SLC4A2: variants seen among roughly 807,000 people sequenced by gnomAD.
SLC4A2 encodes anion exchange protein 2.
Under a neutral mutation model 115.0 loss-of-function variants are expected in SLC4A2, and 36 were observed. The observed-to-expected ratio is 0.31, with a 90% CI of 0.24 to 0.41. The LOEUF (loss-of-function observed/expected upper bound fraction) is 0.41. SLC4A2 is among the 10% of genes least tolerant of loss of function. The probability of loss-of-function intolerance (pLI) is 1.00; values close to 1 mark genes in which losing one functional copy is unlikely to be tolerated. For missense variants in SLC4A2, 1,252 were observed against 1,705.6 expected, an observed-to-expected ratio of 0.73 and a Z score of 4.68; for synonymous variants, 708 against 708.3, an observed-to-expected ratio of 1.00 and a Z score of 0.01.
In SLC4A2 at chr7:151,070,769, G is replaced by A. The variant is rs752153975; in HGVS notation, c.1607G>A (p.Arg536Gln). The A allele has an allele frequency of 1.9e-6, 3 of 1,613,940 alleles. No homozygotes were observed. Among genetic ancestry groups the A allele is most frequent in the East Asian group, 2.2e-5 (1 of 44,882 alleles). ...FLSRPTMAFV[R>Q]LREAVELDAV... ...TCCCGCCCCACCATGGCCTTTGTGC[G>A]GCTCCGGGAGGCTGTGGAGTTGGAC... The change falls in exon 12 of 23, where the codon CGG (arginine) becomes CAG (glutamine). Residue 536 changes from arginine to glutamine, a missense_variant. By Grantham distance (43) the Arg-to-Gln change is conservative. Coordinates refer to ENST00000413384, the MANE Select transcript of SLC4A2 (RefSeq NM_003040.4).
In SLC4A2 at chr7:151,060,525, T is replaced by A. The variant is rs1584979100; in HGVS notation, c.-64+763T>A. On this transcript the variant is annotated intron_variant, in intron 1 of 22. Transcript: ENST00000413384. This position sits in a 1 kb window ranked among gnomAD's most constrained non-coding sequence, Gnocchi z 5.9. ...GGCCGGTCGGGGCTGGTCCCGGGAA[T>A]GTGCCCCTACCCGGATTATCGGCAC... Among the ~76,000 whole-genome samples, 1 of 152,144 alleles carries A rather than the reference T, an allele frequency of 6.6e-6. No homozygotes were observed. Among genetic ancestry groups the A allele is most frequent in the African/African-American group, 2.4e-5 (1 of 41,410 alleles).
intron 5 of SLC4A2, among the ~76,000 whole-genome samples, chr7:151,065,672 G>A (rs1797203399): frequency 1.3e-5 from 2 of 152,244 alleles, no homozygotes; most frequent in Admixed American, 6.5e-5. Flanking sequence ...CGCATAACCT[G>A]CTGGGACCGT....
chr7:151,063,039 G>T, intron 2 of SLC4A2: 5 of 1,476,106 alleles, frequency 3.4e-6, no homozygotes, highest in Non-Finnish European at 3.6e-6. Context: ...ATTTGGCGGC[G>T]CCTGGAGCTG....
In SLC4A2 at chr7:151,067,591, C is replaced by T. The variant is rs988840367; in HGVS notation, c.967-283C>T. 7.2e-5 allele frequency among the ~76,000 whole-genome samples: 11 copies of T among 152,374 alleles called. 1 individual carries two copies. The highest frequency in any genetic ancestry group is 7.2e-4 in the Admixed American group (11 of 15,306). On this transcript the variant is annotated intron_variant, in intron 7 of 22. Coordinates refer to ENST00000413384, the MANE Select transcript of SLC4A2 (RefSeq NM_003040.4). ...ACAGTGGCCATTTCTCAAGTGCTCACTCTGAGGCACGTAGCGTGCCATGTG... is the reference window on the plus strand; with the variant it reads ...ACAGTGGCCATTTCTCAAGTGCTCATTCTGAGGCACGTAGCGTGCCATGTG...
chr7:151,066,393 G>C, intron 5 of SLC4A2, 124 bp from the exon 6 acceptor site: 1 of 1,187,240 alleles, frequency 8.4e-7, no homozygotes, highest in African/African-American at 1.5e-5. Flanking sequence ...GCACCTCCCG[G>C]GAGTGGGAGC....
rs1232684121 is a variant in SLC4A2, at chr7:151,060,974, C to T, written c.-63-951C>T. On this transcript the variant is annotated intron_variant, in intron 1 of 22. Transcript: ENST00000413384. The surrounding 1 kb of genome is among the most constrained non-coding windows in gnomAD (Gnocchi z 5.9). Reference sequence around the variant, plus strand: ...GTCTTGGGTGCCCCCTGTGCTGACCCGCTAGGAATGCGCCCCCTATTTGCA... The same window carrying T: ...GTCTTGGGTGCCCCCTGTGCTGACCTGCTAGGAATGCGCCCCCTATTTGCA... Among the ~76,000 whole-genome samples the T allele has an allele frequency of 1.3e-5, 2 of 152,092 alleles. No individual in the cohort carries two copies. Among genetic ancestry groups the T allele is most frequent in the South Asian group, 4.1e-4 (2 of 4,828 alleles).
At chr7:151,066,798 G>T in intron 6 of SLC4A2, 37 bp downstream of exon 6, 3 of 1,590,482 alleles carry the variant, frequency 1.9e-6, no homozygotes, top group Non-Finnish European at 2.6e-6. Context: ...GGCACTGGTG[G>T]GCAAAGGAGT....
At position 151,074,027 on chromosome 7, in the gene SLC4A2, T is replaced by A. The variant is rs374477257; in HGVS notation, c.2536-12T>A. On this transcript the variant is annotated splice_polypyrimidine_tract_variant and intron_variant, in intron 16 of 22. Transcript: ENST00000413384. The stretch of plus-strand genomic sequence containing the variant: ...TCCAGCTGATGGAGGCCGTGTGGCC[T>A]CCTCTCCCCAGATCTTCCAGGAGCA... 1.9e-6 allele frequency: 3 copies of A among 1,551,718 alleles called. No homozygotes were observed. In the African/African-American group the frequency reaches 4.1e-5, roughly 21 times the overall value.
At chr7:151,075,138 C>A (rs561034650) in intron 19 of SLC4A2, 117 bp from the exon 20 acceptor site, 7 of 1,363,402 alleles carry the variant, frequency 5.1e-6, no homozygotes, top group Non-Finnish European at 7.1e-6. Flanking sequence ...ACGGAATGGA[C>A]AGGGACCGCC....
rs1212825125 is a variant in SLC4A2, at chr7:151,060,676, G to A, written c.-64+914G>A. ...TGGGCGCCTGCAGGTGCTCTGGGCG[G>A]ACTCTCCCCACACCCTTCCCAGACT... On this transcript the variant is annotated intron_variant, in intron 1 of 22. Coordinates refer to ENST00000413384, the MANE Select transcript of SLC4A2 (RefSeq NM_003040.4). This position sits in a 1 kb window ranked among gnomAD's most constrained non-coding sequence, Gnocchi z 5.9. Among the ~76,000 whole-genome samples the A allele has an allele frequency of 6.6e-6, 1 of 152,108 alleles. No individual in the cohort carries two copies. The highest frequency in any genetic ancestry group is 1.5e-5 in the Non-Finnish European group (1 of 67,996).
In SLC4A2 at chr7:151,071,247, G is replaced by T; in HGVS notation, c.1925G>T (p.Arg642Leu). 6.4e-7 allele frequency: 1 copy of T among 1,572,390 alleles called. No individual in the cohort carries two copies. The part of the protein sequence containing the change: ...QMLKKREEQG[R>L]LLPTGAGLEP... Reference sequence around the variant, plus strand: ...CTCAAGAAGCGAGAGGAGCAGGGCCGGCTGCTACCTACAGGGGCTGGGCTG... The same window carrying T: ...CTCAAGAAGCGAGAGGAGCAGGGCCTGCTGCTACCTACAGGGGCTGGGCTG... Residue 642 changes from arginine to leucine, a missense_variant, in exon 13 of 23, where the codon CGG becomes CTG. Coordinates refer to ENST00000413384, the MANE Select transcript of SLC4A2 (RefSeq NM_003040.4). This position sits in a 1 kb window ranked among gnomAD's most constrained non-coding sequence, Gnocchi z 5.5.
At position 151,075,292 on chromosome 7, in the gene SLC4A2, G is replaced by A. The variant is rs1563365614; in HGVS notation, c.3085G>A (p.Gly1029Ser). 5.6e-6 allele frequency: 9 copies of A among 1,613,436 alleles called. No individual in the cohort carries two copies. The highest frequency in any genetic ancestry group is 7.6e-6 in the Non-Finnish European group (9 of 1,180,040). Residue 1029 changes from glycine to serine, a missense_variant, in exon 20 of 23, where the codon GGC becomes AGC. Physicochemically the swap from Gly to Ser is moderately conservative, Grantham distance 56. Coordinates refer to ENST00000413384, the MANE Select transcript of SLC4A2 (RefSeq NM_003040.4). Reference sequence around the variant, plus strand: ...CAAGAAGGAGCGCATGCTGCAGAAGGGCTCCGGCTTCCACCTGGACCTGCT... The same window carrying A: ...CAAGAAGGAGCGCATGCTGCAGAAGAGCTCCGGCTTCCACCTGGACCTGCT... ...ISKKERMLQKGSGFHLDLLLI... is the reference protein window; with the variant it reads ...ISKKERMLQKSSGFHLDLLLI...
chr7:151,062,043 G>A lies in SLC4A2; in HGVS notation c.51+5G>A. The A allele has an allele frequency of 6.2e-7, 1 of 1,609,958 alleles. No homozygotes were observed. The highest frequency in any genetic ancestry group is 8.5e-7 in the Non-Finnish European group (1 of 1,179,300). ...GGCGCAGATTCTTTCTGTACGGTGA[G>A]TGTGGCCCCCAGGTCGCCAGCCCAA... On this transcript the variant is annotated splice_donor_5th_base_variant and intron_variant, in intron 2 of 22. Transcript: ENST00000413384.
At position 151,071,527 on chromosome 7, in the gene SLC4A2, G is replaced by A; in HGVS notation, c.2113G>A (p.Asp705Asn). 1 of 1,613,950 alleles carries A rather than the reference G, an allele frequency of 6.2e-7. No individual in the cohort carries two copies. Among genetic ancestry groups the A allele is most frequent in the Non-Finnish European group, 8.5e-7 (1 of 1,179,988 alleles). Residue 705 changes from aspartate to asparagine, a missense_variant, in exon 14 of 23, where the codon GAC (aspartate) becomes AAC (asparagine). Physicochemically the swap from Asp to Asn is conservative, Grantham distance 23. Transcript: ENST00000413384. The surrounding 1 kb of genome is among the most constrained non-coding windows in gnomAD (Gnocchi z 5.5). ...HYLSDFRDAL[D>N]PQCLAAVIFI... is the part of the protein sequence containing the mutation. ...CCTGAGTGACTTCCGAGATGCACTT[G>A]ACCCTCAGTGCCTGGCCGCAGTCAT... is the stretch of plus-strand genomic sequence containing the variant.
At chr7:151,063,281 G>A in intron 2 of SLC4A2, 1 of 987,270 alleles carries the variant, frequency 1.0e-6, no homozygotes, top group Non-Finnish European at 1.4e-6. Flanking sequence ...GCTCTCCTGG[G>A]GGCTGAAGGG....
chr7:151,074,324 AG>A (rs1797542809), intron 17 of SLC4A2, 31 bp downstream of exon 17: 1 of 1,609,124 alleles, frequency 6.2e-7, no homozygotes, highest in Non-Finnish European at 8.5e-7. Flanking sequence ...AGAGGGGGTT[AG>A]GGGCAGGAAG....
rs547463100 is a variant in SLC4A2, at chr7:151,064,638, G to A, written c.330G>A (p.Pro110=). 2.0e-5 allele frequency: 33 copies of A among 1,613,696 alleles called. No homozygotes were observed. Among genetic ancestry groups the A allele is most frequent in the Middle Eastern group, 1.7e-4 (1 of 5,956 alleles). ...QGPGRKPRRR[P]GASPTGETPT... is the part of the protein sequence containing the mutation. Reference sequence around the variant, plus strand: ...CAGGACGGAAGCCTCGAAGGCGCCCGGGAGCCTCCCCGACTGGAGAAACCC... The same window carrying A: ...CAGGACGGAAGCCTCGAAGGCGCCCAGGAGCCTCCCCGACTGGAGAAACCC... The change falls in exon 4 of 23, where the codon CCG becomes CCA. Residue 110 remains proline (P), a synonymous_variant. Transcript: ENST00000413384.
rs2303934 is a variant in SLC4A2 at position 151,070,453 on chromosome 7, C to T, written c.1450-4C>T. 0.038 allele frequency: 61,891 copies of T among 1,611,352 alleles called. 1,591 individuals carry two copies. Among genetic ancestry groups the T allele is most frequent in the East Asian group, 0.099 (4,422 of 44,686 alleles). ...CTGGGCTGAGCCCTGTCTGTGTCCC[C>T]CAGCGTGAGCTGCCGCCTCCAGCAC... On this transcript the variant is annotated splice_polypyrimidine_tract_variant and splice_region_variant and intron_variant, in intron 10 of 22. Transcript: ENST00000413384.
intron 7 of SLC4A2, 26 bp from the exon 8 acceptor site, chr7:151,067,848 G>A (rs1439637644): frequency 1.2e-6 from 2 of 1,609,930 alleles, no homozygotes; most frequent in Non-Finnish European, 1.7e-6. Flanking sequence ...TCTGTACCCT[G>A]AAATGCCTTC....
Sources: allele counts gnomAD v4.1 joint callset (sites outside exome capture counted in the v4.1 genomes callset), GRCh38; gene constraint gnomAD v4.1.1; non-coding constraint Gnocchi (gnomAD v3.1); transcripts MANE v1.5; gene names NCBI Gene and HGNC (gene_info 2026-07-23, HGNC 2026-07-21).